ADAMDEC1: variants seen among roughly 807,000 people sequenced by gnomAD.
ADAMDEC1 encodes the protein ADAM like decysin 1.
Under a neutral mutation model 60.4 loss-of-function variants are expected in ADAMDEC1, and 62 were observed. The observed-to-expected ratio is 1.03, with a 90% CI of 0.84 to 1.27. The LOEUF (loss-of-function observed/expected upper bound fraction) is 1.27. Among genes scored for constraint, ADAMDEC1 ranks in the 50% most tolerant of loss-of-function variants. The pLI is 0.00. For missense variants in ADAMDEC1, 595 were observed against 565.0 expected (o/e 1.05, Z -0.54); for synonymous variants, 210 against 195.1 (o/e 1.08, Z -0.64).
chr8:24,392,886 GTT>G (rs34415946), intron 2 of ADAMDEC1, among the ~76,000 whole-genome samples: 130 of 50,360 alleles, frequency 2.6e-3, no homozygotes, highest in African/African-American at 3.9e-3. Flanking sequence ...GGGTTGAGAG[GTT>G]TTTTTTTTTT....
chr8:24,405,469 TGGCTCTTTGTTTA>T lies in ADAMDEC1; in HGVS notation c.*175_*187del, dbSNP rs1468891669. On this transcript the variant is annotated 3_prime_UTR_variant, in exon 14 of 14. Transcript: ENST00000256412. ...GGTAAACAGATGTAATTAGAGACAT[TGGCTCTTTGTTTA>T]GGCCTAATCTTTCTTTTTACTTTTT... 1 of 617,478 alleles carries T rather than the reference TGGCTCTTTGTTTA, an allele frequency of 1.6e-6. No homozygotes were observed. The highest frequency in any genetic ancestry group is 2.7e-6 in the Non-Finnish European group (1 of 371,808). 38.2% of individuals were successfully genotyped at this position (617,478 alleles called of 1,614,324 possible).
At chr8:24,401,769 A>G (rs1373008001) in intron 11 of ADAMDEC1, 146 bp from the exon 12 acceptor site, 18 of 678,376 alleles carry the variant, frequency 2.7e-5, no homozygotes, top group Non-Finnish European at 4.1e-5. Context: ...GGCAGTCCTA[A>G]ATGGTTGCCA....
intron 13 of ADAMDEC1, among the ~76,000 whole-genome samples, chr8:24,404,917 C>T (rs1292782155): frequency 6.6e-6 from 1 of 152,072 alleles, no homozygotes; most frequent in African/African-American, 2.4e-5. Flanking sequence ...GCAGGGAATT[C>T]TGGAAACTGT....
intron 1 of ADAMDEC1, chr8:24,390,122 C>T (rs1420704154): frequency 3.6e-6 from 2 of 560,866 alleles, no homozygotes; most frequent in Non-Finnish European, 6.2e-6. Flanking sequence ...TTTATTTAAC[C>T]TGACAGCCTC....
intron 12 of ADAMDEC1, 123 bp downstream of exon 12, chr8:24,402,215 CT>C: frequency 1.1e-6 from 1 of 888,536 alleles, no homozygotes; most frequent in Non-Finnish European, 1.6e-6. Context: ...GAGATTTGTG[CT>C]TGTGTTTTTG....
At chr8:24,402,426 G>T (rs1337073541) in intron 12 of ADAMDEC1, among the ~76,000 whole-genome samples, 1 of 152,118 alleles carries the variant, frequency 6.6e-6, no homozygotes, top group East Asian at 1.9e-4. Context: ...AACAATTAGA[G>T]ATCTAGAAGT....
intron 12 of ADAMDEC1, among the ~76,000 whole-genome samples, chr8:24,403,361 G>GT (rs369994229): frequency 0.018 from 2,700 of 146,562 alleles, 78 homozygotes; most frequent in African/African-American, 0.061. Context: ...TATAGTTAGG[G>GT]TTTTTTTTTT....
In ADAMDEC1 at chr8:24,393,340, T is replaced by C; in HGVS notation, c.284+2T>C. 2 of 1,580,450 alleles carry C rather than the reference T, an allele frequency of 1.3e-6. No homozygotes were observed. The highest frequency in any genetic ancestry group is 1.7e-6 in the Non-Finnish European group (2 of 1,154,790). The stretch of plus-strand genomic sequence containing the variant: ...CATTCTCTCCCTACAAAAAACCAAG[T>C]AAGTTGTACCTCCTAAAAGTCTAAT... On this transcript the variant is annotated splice_donor_variant, in intron 3 of 13. Coordinates refer to ENST00000256412, the MANE Select transcript of ADAMDEC1 (RefSeq NM_014479.3). LOFTEE classifies it high-confidence loss of function.
At chr8:24,393,007 C>T (rs1030126966) in intron 2 of ADAMDEC1, among the ~76,000 whole-genome samples, 1 of 146,260 alleles carries the variant, frequency 6.8e-6, no homozygotes, top group African/African-American at 2.5e-5. Context: ...GTATACTGTA[C>T]ATTAGGGCAA....
At chr8:24,396,516 CAAAAA>C (rs930315393) in intron 5 of ADAMDEC1, among the ~76,000 whole-genome samples, 1 of 149,064 alleles carries the variant, frequency 6.7e-6, no homozygotes, top group East Asian at 1.9e-4. Flanking sequence ...CGTCTCAAAA[CAAAAA>C]AAAAGAAAAA....
intron 1 of ADAMDEC1, among the ~76,000 whole-genome samples, chr8:24,385,220 C>T (rs1307927605): frequency 2.6e-5 from 4 of 152,122 alleles, no homozygotes; most frequent in Middle Eastern, 3.2e-3. Flanking sequence ...TGTAAACCTA[C>T]GTATTTCCAT....
At chr8:24,403,591 A>G (rs1817818148) in intron 12 of ADAMDEC1, among the ~76,000 whole-genome samples, 1 of 152,116 alleles carries the variant, frequency 6.6e-6, no homozygotes, top group South Asian at 2.1e-4. Context: ...AATATTAAGT[A>G]TTGTCTTAAA....
At chr8:24,395,871 T>C in intron 5 of ADAMDEC1, 75 bp downstream of exon 5, 1 of 1,178,264 alleles carries the variant, frequency 8.5e-7, no homozygotes, top group Non-Finnish European at 1.2e-6. Flanking sequence ...CTAGATATTG[T>C]CTTCTTACTA....
intron 12 of ADAMDEC1, among the ~76,000 whole-genome samples, chr8:24,403,590 T>C (rs1817818094): frequency 6.6e-6 from 1 of 152,126 alleles, no homozygotes; most frequent in Non-Finnish European, 1.5e-5. Context: ...CAATATTAAG[T>C]ATTGTCTTAA....
intron 5 of ADAMDEC1, 31 bp downstream of exon 5, chr8:24,395,827 C>T: frequency 6.5e-7 from 1 of 1,549,490 alleles, no homozygotes; most frequent in Non-Finnish European, 8.9e-7. Flanking sequence ...TACTCAAGAT[C>T]AAGAAGCTTT....
At position 24,397,444 on chromosome 8, in the gene ADAMDEC1, C is replaced by T; in HGVS notation, c.615C>T (p.Leu205=). 1.9e-6 allele frequency: 3 copies of T among 1,613,654 alleles called. No homozygotes were observed. The highest frequency in any genetic ancestry group is 2.5e-6 in the Non-Finnish European group (3 of 1,179,826). ...KQGPIRISRS[L]KSPEKEDFLR... is the part of the protein sequence containing the mutation. ...GCCCAATTCGAATCTCTAGATCACT[C>T]AAAAGCCCAGAGGTGAATACAATTC... Residue 205 remains leucine (L), a synonymous_variant, in exon 6 of 14, where the codon CTC becomes CTT. Transcript: ENST00000256412.
Position 24,384,530 on chromosome 8 carries a change from C to T in ADAMDEC1, c.26C>T (p.Pro9Leu), listed in dbSNP as rs559024935. ...ATGCTGCGTGGGATCTCCCAGCTAC[C>T]TGCAGTGGCCACCATGTCTTGGGTC... is the stretch of plus-strand genomic sequence containing the variant. MLRGISQL[P>L]AVATMSWVLL... Residue 9 changes from proline to leucine, a missense_variant, in exon 1 of 14, where the codon CCT (proline) becomes CTT (leucine). Transcript: ENST00000256412. The T allele has an allele frequency of 6.2e-7, 1 of 1,610,094 alleles. No homozygotes were observed. Among genetic ancestry groups the T allele is most frequent in the Non-Finnish European group, 8.5e-7 (1 of 1,178,092 alleles).
intron 6 of ADAMDEC1, 80 bp downstream of exon 6, chr8:24,397,536 G>A: frequency 3.3e-6 from 5 of 1,518,814 alleles, no homozygotes; most frequent in Non-Finnish European, 4.5e-6. Flanking sequence ...TCTTAGAAAT[G>A]AGTAGTATGT....
chr8:24,400,402 G>T, intron 11 of ADAMDEC1, 102 bp downstream of exon 11: 2 of 1,254,254 alleles, frequency 1.6e-6, no homozygotes, highest in Non-Finnish European at 2.1e-6. Context: ...ATTAGATCTT[G>T]TGTTGTTCCA....
Sources: allele counts gnomAD v4.1 joint callset (sites outside exome capture counted in the v4.1 genomes callset), GRCh38; gene constraint gnomAD v4.1.1; transcripts MANE v1.5; gene names NCBI Gene and HGNC (gene_info 2026-07-23, HGNC 2026-07-21).